Variants in TMEM38B observed in about 807,000 individuals in gnomAD.
The protein encoded by TMEM38B is trimeric intracellular cation channel type B.
In TMEM38B, 24 loss-of-function variants were observed where a neutral mutation model predicts 28.7. The observed-to-expected ratio is 0.84, with a 90% CI of 0.61 to 1.18. The LOEUF (loss-of-function observed/expected upper bound fraction) is 1.18, where lower values mean the gene tolerates loss of function less well. TMEM38B is among the 50% of genes most tolerant of loss of function. The probability of loss-of-function intolerance (pLI) is 0.00; values close to 1 mark genes in which losing one functional copy is unlikely to be tolerated. For missense variants in TMEM38B, 380 were observed against 350.9 expected (o/e 1.08, Z -0.66); for synonymous variants, 131 against 127.7 (o/e 1.03, Z -0.17).
intron 1 of TMEM38B, among the ~76,000 whole-genome samples, chr9:105,704,489 T>G (rs1438866927): frequency 2.0e-5 from 3 of 152,174 alleles, no homozygotes; most frequent in Admixed American, 6.5e-5. Flanking sequence ...GCCTTTTTTT[T>G]GGGTGTTTTT....
In TMEM38B at chr9:105,748,397, CAGG is replaced by C. The variant is rs148390623; in HGVS notation, c.660+209_660+211del. Among the ~76,000 whole-genome samples the C allele has an allele frequency of 0.034, 5,147 of 152,202 alleles. 228 individuals are homozygous for C. Among genetic ancestry groups the C allele is most frequent in the African/African-American group, 0.1 (4,188 of 41,502 alleles). ...CTCATTTGCTTTATGCTAGGGCTAT[CAGG>C]ACACAGTGGCAGATAGCCTAGTAGT... On this transcript the variant is annotated intron_variant, in intron 5 of 5. Coordinates refer to ENST00000374692, the MANE Select transcript of TMEM38B (RefSeq NM_018112.3).
intron 5 of TMEM38B, among the ~76,000 whole-genome samples, chr9:105,764,953 A>G (rs1193168116): frequency 1.3e-5 from 2 of 152,226 alleles, no homozygotes; most frequent in African/African-American, 4.8e-5. Context: ...CTGATCTTTG[A>G]CAAACCTGAG....
chr9:105,713,751 A>G (rs1835993414), intron 2 of TMEM38B, among the ~76,000 whole-genome samples: 1 of 151,966 alleles, frequency 6.6e-6, no homozygotes, highest in Non-Finnish European at 1.5e-5. Flanking sequence ...CAGAGGCGGA[A>G]CTCATAGTGC....
intron 5 of TMEM38B, chr9:105,758,260 G>A: frequency 1.5e-6 from 1 of 670,380 alleles, no homozygotes; most frequent in East Asian, 2.6e-5. Context: ...TTACCAGTGT[G>A]GACACTGAGG....
At chr9:105,714,130 G>A (rs899433389) in intron 2 of TMEM38B, among the ~76,000 whole-genome samples, 3 of 147,810 alleles carry the variant, frequency 2.0e-5, no homozygotes, top group African/African-American at 2.6e-5. Context: ...CCTACAAACC[G>A]CAGAGAGGAG....
chr9:105,760,507 G>A lies in TMEM38B; in HGVS notation c.660+12317G>A. The A allele has an allele frequency of 4.0e-6, 3 of 741,594 alleles. No homozygotes were observed. The South Asian group carries it at 4.6e-5, about 11-fold the overall frequency. The allele number at this position is 741,594 out of a possible 1,614,324, so 45.9% of individuals were successfully genotyped here. ...TAAGCAGATTAGTGCTCAGGACTTT[G>A]AAAAGCAAAAAGTTTCTACCTCTCA... On this transcript the variant is annotated intron_variant, in intron 5 of 5. Transcript: ENST00000374692.
At chr9:105,762,591 C>A (rs7853402) in intron 5 of TMEM38B, among the ~76,000 whole-genome samples, 27,063 of 139,270 alleles carry the variant, frequency 0.19, 3,981 homozygotes, top group East Asian at 0.43. Context: ...ATGAACTCAT[C>A]ATTTTTTATG....
At chr9:105,707,313 GA>G (rs547628498) in intron 2 of TMEM38B, among the ~76,000 whole-genome samples, 201 of 152,006 alleles carry the variant, frequency 1.3e-3, no homozygotes, top group African/African-American at 4.6e-3. Flanking sequence ...TTGAAGTGAA[GA>G]AAAAAATGTT....
chr9:105,710,274 T>C, intron 2 of TMEM38B: 1 of 631,724 alleles, frequency 1.6e-6, no homozygotes, highest in Non-Finnish European at 2.9e-6. Flanking sequence ...TACTGGATAT[T>C]CCAGCTACAG....
rs1288161699 is a variant in TMEM38B, at chr9:105,696,412, CGGAGTAGCTG to C, written c.112+1645_112+1654del. 6.6e-5 allele frequency among the ~76,000 whole-genome samples: 10 copies of C among 152,212 alleles called. No homozygotes were observed. The South Asian group carries it at 8.3e-4, about 13-fold the overall frequency. On this transcript the variant is annotated intron_variant, in intron 1 of 5. Transcript: ENST00000374692. ...TAAGCGATTCTCCTGCCTCAGCCTC[CGGAGTAGCTG>C]GGAGGCGCCTGCCACCAAGTTCGGC...
chr9:105,760,098 A>G (rs1386213796), intron 5 of TMEM38B: 29 of 934,294 alleles, frequency 3.1e-5, no homozygotes, highest in Non-Finnish European at 4.9e-5. Context: ...AACCTCATTT[A>G]GAGAGGGTTG....
intron 2 of TMEM38B, among the ~76,000 whole-genome samples, chr9:105,715,656 A>G (rs965010633): frequency 6.6e-6 from 1 of 151,010 alleles, no homozygotes; most frequent in African/African-American, 2.4e-5. Flanking sequence ...ACTATCTGTT[A>G]TGTTTCTCTT....
intron 4 of TMEM38B, among the ~76,000 whole-genome samples, chr9:105,733,173 A>AT (rs1836827512): frequency 6.6e-6 from 1 of 152,134 alleles, no homozygotes; most frequent in South Asian, 2.1e-4. Flanking sequence ...CAATTTTAGA[A>AT]TAAGTGCGAT....
At chr9:105,771,026 T>C (rs1486870050) in intron 5 of TMEM38B, among the ~76,000 whole-genome samples, 5 of 152,168 alleles carry the variant, frequency 3.3e-5, no homozygotes, top group Admixed American at 2.6e-4. Flanking sequence ...ACTTGAGATA[T>C]AAAGAATGTG....
At chr9:105,727,388 A>G (rs996388591) in intron 4 of TMEM38B, among the ~76,000 whole-genome samples, 4 of 152,200 alleles carry the variant, frequency 2.6e-5, no homozygotes, top group African/African-American at 9.6e-5. Context: ...AGCAAATGGC[A>G]AGATCTCCCT....
chr9:105,714,097 C>G (rs1416780500), intron 2 of TMEM38B, among the ~76,000 whole-genome samples: 1 of 128,010 alleles, frequency 7.8e-6, no homozygotes, highest in Non-Finnish European at 1.6e-5. Context: ...TGTTGAGAGC[C>G]GAGCACTTGT....
At chr9:105,726,066 A>G (rs926954263) in intron 4 of TMEM38B, among the ~76,000 whole-genome samples, 2 of 152,174 alleles carry the variant, frequency 1.3e-5, no homozygotes, top group Non-Finnish European at 2.9e-5. Context: ...CCAGGCATGC[A>G]GTGTGTAGCG....
At position 105,748,135 on chromosome 9, in the gene TMEM38B, C is replaced by T; in HGVS notation, c.605C>T (p.Ala202Val). The T allele has an allele frequency of 6.2e-7, 1 of 1,613,572 alleles. No individual in the cohort carries two copies. The highest frequency in any genetic ancestry group is 8.5e-7 in the Non-Finnish European group (1 of 1,179,680). ...IFTFQHTQHLAISKHNLMFLY... is the reference protein window; with the variant it reads ...IFTFQHTQHLVISKHNLMFLY... ...ACATTCCAGCACACCCAGCATCTGGCAATATCAAAGCATAATCTTATGTTC... is the reference window on the plus strand; with the variant it reads ...ACATTCCAGCACACCCAGCATCTGGTAATATCAAAGCATAATCTTATGTTC... The change falls in exon 5 of 6, where the codon GCA (alanine) becomes GTA (valine). Residue 202 changes from alanine to valine, a missense_variant. Transcript: ENST00000374692.
At chr9:105,726,137 C>A (rs1836502983) in intron 4 of TMEM38B, among the ~76,000 whole-genome samples, 1 of 151,978 alleles carries the variant, frequency 6.6e-6, no homozygotes, top group South Asian at 2.1e-4. Flanking sequence ...GTATTAGGAA[C>A]ATTCTAATTC....
Sources: gnomAD v4.1 joint callset for allele counts (sites outside exome capture counted in the v4.1 genomes callset) on GRCh38, gnomAD v4.1.1 for gene constraint, MANE v1.5 for transcripts, NCBI Gene and HGNC (gene_info 2026-07-23, HGNC 2026-07-21) for gene names.